The following MTG1 variants were observed in gnomAD, a reference collection of about 807,000 sequenced individuals.
The protein encoded by MTG1 is mitochondrial ribosome-associated GTPase 1.
In MTG1, 30 loss-of-function variants were observed where a neutral mutation model predicts 39.5. That is an observed-to-expected ratio of 0.76 (90% CI 0.57 to 1.03). The LOEUF (loss-of-function observed/expected upper bound fraction) is 1.03, where lower values mean the gene tolerates loss of function less well. Among genes scored for constraint, MTG1 ranks in the 50% least tolerant of loss-of-function variants. The probability of loss-of-function intolerance (pLI) is 0.00; values close to 1 mark genes in which losing one functional copy is unlikely to be tolerated. For missense variants in MTG1, 513 were observed against 447.4 expected (o/e 1.15, Z -1.32); for synonymous variants, 217 against 179.0 (o/e 1.21, Z -1.69).
rs1849771699 is a variant in MTG1, at chr10:133,395,697, T to C, written c.113-16T>C. On this transcript the variant is annotated splice_polypyrimidine_tract_variant and intron_variant, in intron 1 of 10. Transcript: ENST00000317502. ...GGTTGTGAGCCCCTTCGCTGAGGCG[T>C]CCTTCTGTTTTCCAGGGCTGAAGAA... is the stretch of plus-strand genomic sequence containing the variant. The C allele has an allele frequency of 6.2e-7, 1 of 1,613,712 alleles. No homozygotes were observed. The highest frequency in any genetic ancestry group is 8.5e-7 in the Non-Finnish European group (1 of 1,179,776).
chr10:133,401,774 G>A (rs1244032639), intron 7 of MTG1, 184 bp downstream of exon 7: 3 of 722,210 alleles, frequency 4.2e-6, no homozygotes, highest in Admixed American at 4.0e-5. Context: ...CATAGTCTTT[G>A]CGCCAAACCT....
rs566814805 is a variant in MTG1 at position 133,419,385 on chromosome 10, T to C, written c.753-95T>C. 18 of 977,502 alleles carry C rather than the reference T, an allele frequency of 1.8e-5. No individual in the cohort carries two copies. In the Admixed American group the frequency reaches 4.0e-4, roughly 22 times the overall value. The allele number at this position is 977,502 out of a possible 1,614,324, so 60.6% of individuals were successfully genotyped here. ...GTCACCCACAGGAGGTGCCTGGCCG[T>C]GGCCTTTGTGGCATTCAGGAGGAAG... On this transcript the variant is annotated intron_variant, in intron 9 of 10. Transcript: ENST00000317502.
intron 3 of MTG1, 150 bp from the exon 4 acceptor site, chr10:133,398,285 T>C: frequency 2.9e-6 from 2 of 683,086 alleles, no homozygotes; most frequent in South Asian, 3.7e-5. Flanking sequence ...CTGTAATCCC[T>C]GCTACTTGGG....
intron 5 of MTG1, 83 bp from the exon 6 acceptor site, chr10:133,399,446 G>A (rs56038934): frequency 0.07 from 100,103 of 1,421,386 alleles, 3,950 homozygotes; most frequent in African/African-American, 0.11. Flanking sequence ...CTGGCCTGGG[G>A]TCCCCTTGCC....
chr10:133,411,080 C>T (rs948954292), intron 9 of MTG1, among the ~76,000 whole-genome samples: 1 of 152,088 alleles, frequency 6.6e-6, no homozygotes, highest in African/African-American at 2.4e-5. Context: ...CACATGTTTT[C>T]TTTTTGTACA....
rs374014622 is a variant in MTG1 at position 133,402,203 on chromosome 10, C to T, written c.628C>T (p.Arg210Trp). The part of the protein sequence containing the change: ...LLDTPGVLAP[R>W]IESVETGLKL... ...GGACACTCCTGGCGTGCTGGCTCCT[C>T]GGATTGAAAGTGTGGAGACAGGCCT... Residue 210 changes from arginine (R) to tryptophan (W), a missense_variant, in exon 8 of 11, where the codon CGG becomes TGG. Transcript: ENST00000317502. The surrounding 1 kb of genome is among the most constrained non-coding windows in gnomAD (Gnocchi z 4.7). The T allele has an allele frequency of 2.9e-5, 46 of 1,605,746 alleles. No homozygotes were observed. Among genetic ancestry groups the T allele is most frequent in the South Asian group, 6.6e-5 (6 of 90,952 alleles).
intron 4 of MTG1, 73 bp downstream of exon 4, chr10:133,398,588 TGCTTTAGTAAGAA>T (rs1259824842): frequency 2.7e-6 from 4 of 1,496,336 alleles, no homozygotes; most frequent in Non-Finnish European, 3.6e-6. Flanking sequence ...AACTGTTTTA[TGCTTTAGTAAGAA>T]GCAGAGCTTT....
intron 1 of MTG1, among the ~76,000 whole-genome samples, chr10:133,395,282 C>G (rs1849765308): frequency 6.6e-6 from 1 of 152,166 alleles, no homozygotes; most frequent in Admixed American, 6.5e-5. Flanking sequence ...GTAGTCCCAG[C>G]TACTCGGGAG....
Position 133,400,556 on chromosome 10 carries a change from G to A in MTG1, c.511+937G>A, listed in dbSNP as rs370165755. ...TGCAAATCTGAAGGCTTTAAACTAC[G>A]GTGAACTGTTATTTTACAGAGAGGG... On this transcript the variant is annotated intron_variant, in intron 6 of 10. Coordinates refer to ENST00000317502, the MANE Select transcript of MTG1 (RefSeq NM_138384.4). Among the ~76,000 whole-genome samples the A allele has an allele frequency of 2.6e-4, 39 of 152,320 alleles. 1 individual carries two copies. The highest frequency in any genetic ancestry group is 8.4e-4 in the African/African-American group (35 of 41,568).
intron 9 of MTG1, among the ~76,000 whole-genome samples, chr10:133,406,885 G>C (rs1321721501): frequency 2.6e-5 from 4 of 152,082 alleles, no homozygotes; most frequent in Admixed American, 6.6e-5. Flanking sequence ...GGCTGGTCTT[G>C]AACTCCTGAC....
intron 9 of MTG1, among the ~76,000 whole-genome samples, chr10:133,403,794 G>A (rs1385032233): frequency 6.6e-6 from 1 of 152,032 alleles, no homozygotes; most frequent in African/African-American, 2.4e-5. Context: ...TTAATACCTA[G>A]GAGTAGAGTG....
chr10:133,412,424 A>G (rs927393356), intron 9 of MTG1, among the ~76,000 whole-genome samples: 1 of 152,182 alleles, frequency 6.6e-6, no homozygotes, highest in African/African-American at 2.4e-5. Context: ...TATTCATTCT[A>G]TTAGCTCTTT....
chr10:133,409,163 G>A (rs142178386), intron 9 of MTG1, among the ~76,000 whole-genome samples: 1,763 of 151,804 alleles, frequency 0.012, 39 homozygotes, highest in African/African-American at 0.04. Context: ...TTTTTTTAGC[G>A]TAGGTGTTTG....
chr10:133,402,768 C>T lies in MTG1; in HGVS notation c.747C>T (p.Arg249=), dbSNP rs1304406791. 2.5e-6 allele frequency: 4 copies of T among 1,601,950 alleles called. No homozygotes were observed. Among genetic ancestry groups the T allele is most frequent in the Non-Finnish European group, 3.4e-6 (4 of 1,174,506 alleles). ...YLLYTLNKHQ[R]FGYVQHYGLG... Reference sequence around the variant, plus strand: ...TGTACACCCTCAACAAACACCAGCGCTTTGGGTGAGTGCAGTGAATGCAGG... The same window carrying T: ...TGTACACCCTCAACAAACACCAGCGTTTTGGGTGAGTGCAGTGAATGCAGG... Residue 249 remains arginine, a synonymous_variant, in exon 9 of 11, where the codon CGC becomes CGT. Transcript: ENST00000317502. The surrounding 1 kb of genome is among the most constrained non-coding windows in gnomAD (Gnocchi z 4.7).
rs1213534127 is a variant in MTG1, at chr10:133,402,343, G to GT, written c.670+100dup. On this transcript the variant is annotated intron_variant, in intron 8 of 10. Transcript: ENST00000317502. This position sits in a 1 kb window ranked among gnomAD's most constrained non-coding sequence, Gnocchi z 4.7. Reference sequence around the variant, plus strand: ...GGCACAGGGCCCCTAGACGGGAGTTGTTACTGCCTTTGACCTGGTTGCTGC... The same window carrying GT: ...GGCACAGGGCCCCTAGACGGGAGTTGTTTACTGCCTTTGACCTGGTTGCTGC... The GT allele has an allele frequency of 1.7e-5, 24 of 1,419,454 alleles. No homozygotes were observed. The highest frequency in any genetic ancestry group is 8.5e-5 in the Admixed American group (5 of 58,738). 87.9% of individuals were successfully genotyped at this position (1,419,454 alleles called of 1,614,324 possible). A position where few individuals can be genotyped will look rare whatever the true frequency, so the allele number is the denominator to read the frequency against.
chr10:133,399,149 A>C lies in MTG1; in HGVS notation c.364-21A>C. On this transcript the variant is annotated intron_variant, in intron 4 of 10. Coordinates refer to ENST00000317502, the MANE Select transcript of MTG1 (RefSeq NM_138384.4). Reference sequence around the variant, plus strand: ...CAGACGTCCGACCTGGGGTGGCTCCATGAGTGGGTGTTTGTTGCAGATCAT... The same window carrying C: ...CAGACGTCCGACCTGGGGTGGCTCCCTGAGTGGGTGTTTGTTGCAGATCAT... 3 of 1,614,140 alleles carry C rather than the reference A, an allele frequency of 1.9e-6. No homozygotes were observed. The South Asian group carries it at 3.3e-5, about 18-fold the overall frequency.
intron 6 of MTG1, among the ~76,000 whole-genome samples, chr10:133,399,962 G>A (rs2253097): frequency 0.54 from 81,611 of 152,132 alleles, 24,396 homozygotes; most frequent in Non-Finnish European, 0.67. Context: ...AGAGGCCGAG[G>A]CGGGCGGATC....
At chr10:133,399,408 G>A (rs992068638) in intron 5 of MTG1, 121 bp from the exon 6 acceptor site, 21 of 1,213,040 alleles carry the variant, frequency 1.7e-5, no homozygotes, top group African/African-American at 6.0e-5. Context: ...GAGCCTCGGC[G>A]TTAACCTCCC....
rs1469758364 is a variant in MTG1, at chr10:133,399,034, A to T, written c.364-136A>T. ...AATGTTGGGTAGAATTCCAGATAGG[A>T]GGTTTCTGTTTTCCTAACGGATATG... On this transcript the variant is annotated intron_variant, in intron 4 of 10. Transcript: ENST00000317502. 1.5e-5 allele frequency: 14 copies of T among 919,614 alleles called. No homozygotes were observed. The East Asian group carries it at 3.3e-4, about 22-fold the overall frequency. The allele number at this position is 919,614 out of a possible 1,614,324, so 57.0% of individuals were successfully genotyped here.
Sources: allele counts gnomAD v4.1 joint callset (sites outside exome capture counted in the v4.1 genomes callset), GRCh38; gene constraint gnomAD v4.1.1; non-coding constraint Gnocchi (gnomAD v3.1); transcripts MANE v1.5; gene names NCBI Gene and HGNC (gene_info 2026-07-23, HGNC 2026-07-21).